The following SNTB1 variants were observed in gnomAD, a reference collection of about 807,000 sequenced individuals.
SNTB1 encodes beta-1-syntrophin.
Under a neutral mutation model 48.9 loss-of-function variants are expected in SNTB1, and 36 were observed. The observed-to-expected ratio is 0.74, with a 90% CI of 0.56 to 0.97. The LOEUF (loss-of-function observed/expected upper bound fraction) is 0.97. Ranked by LOEUF, SNTB1 falls within the 50% of genes least tolerant of loss-of-function variation. The pLI, the probability that SNTB1 is intolerant of heterozygous loss-of-function variation, is 0.00. For missense variants in SNTB1, 786 were observed against 703.4 expected (o/e 1.12, Z -1.33); for synonymous variants, 299 against 294.6 (o/e 1.01, Z -0.15).
chr8:120,680,825 C>T (rs1359281620), intron 2 of SNTB1, among the ~76,000 whole-genome samples: 2 of 152,128 alleles, frequency 1.3e-5, no homozygotes, highest in African/African-American at 4.8e-5. Context: ...TCCTTCAGCA[C>T]CCAGATGGTC....
Position 120,787,697 on chromosome 8 carries a change from G to A in SNTB1, c.571+23576C>T, listed in dbSNP as rs543121479. ...GACAAAAATTACAAAAAAATTAAAA[G>A]AAATGAATAAAGTCTCTAAGAAATA... On this transcript the variant is annotated intron_variant, in intron 1 of 6. Transcript: ENST00000517992. Among the ~76,000 whole-genome samples the A allele has an allele frequency of 1.5e-3, 230 of 152,128 alleles. 1 individual carries two copies. The Middle Eastern group carries it at 0.017, about 11-fold the overall frequency.
chr8:120,706,218 T>G (rs1818373937), intron 1 of SNTB1, among the ~76,000 whole-genome samples: 1 of 152,208 alleles, frequency 6.6e-6, no homozygotes, highest in Non-Finnish European at 1.5e-5. Context: ...CTTTTCGGAC[T>G]CTCAGAACTG....
intron 4 of SNTB1, among the ~76,000 whole-genome samples, chr8:120,565,328 G>A (rs181138509): frequency 1.3e-5 from 2 of 152,258 alleles, no homozygotes; most frequent in African/African-American, 2.4e-5. Context: ...ATGATCTAGT[G>A]TAATCCTTAT....
intron 1 of SNTB1, among the ~76,000 whole-genome samples, chr8:120,739,077 C>T (rs544019164): frequency 6.6e-5 from 10 of 152,292 alleles, no homozygotes; most frequent in East Asian, 5.8e-4. Flanking sequence ...CCTCAGAATG[C>T]GGCAAACTCC....
chr8:120,601,502 C>T (rs963367580), intron 3 of SNTB1, among the ~76,000 whole-genome samples: 21 of 152,114 alleles, frequency 1.4e-4, no homozygotes, highest in South Asian at 2.1e-4. Flanking sequence ...CCATATCCTT[C>T]GTGCTAAAAA....
At chr8:120,546,146 AC>A (rs1815376923) in intron 5 of SNTB1, among the ~76,000 whole-genome samples, 1 of 152,246 alleles carries the variant, frequency 6.6e-6, no homozygotes, top group African/African-American at 2.4e-5. Context: ...GAAAACAGCA[AC>A]TATTATATGA....
In SNTB1 at chr8:120,632,502, C is replaced by T; in HGVS notation, c.938G>A (p.Gly313Glu). The change falls in exon 3 of 7, where the codon GGG (glycine) becomes GAG (glutamate). Residue 313 changes from glycine to glutamate, a missense_variant. Coordinates refer to ENST00000517992, the MANE Select transcript of SNTB1 (RefSeq NM_021021.4). ...TCGGCTCCCAGCAATGCCTGTTTTC[C>T]CCAGCTGCTCTCTGACCTCAGCAAT... ...RVIAEVREQL[G>E]KTGIAGSREI... 6.2e-7 allele frequency: 1 copy of T among 1,614,112 alleles called. No homozygotes were observed. Among genetic ancestry groups the T allele is most frequent in the Non-Finnish European group, 8.5e-7 (1 of 1,180,022 alleles).
At chr8:120,617,410 A>G (rs1816732021) in intron 3 of SNTB1, among the ~76,000 whole-genome samples, 1 of 152,242 alleles carries the variant, frequency 6.6e-6, no homozygotes, top group South Asian at 2.1e-4. Context: ...TCATACATAA[A>G]GCTCTAGGCT....
At chr8:120,764,954 A>G (rs7459773) in intron 1 of SNTB1, among the ~76,000 whole-genome samples, 18,505 of 152,118 alleles carry the variant, frequency 0.12, 3,729 homozygotes, top group African/African-American at 0.42. Context: ...AGCTGGGGGC[A>G]GTGGCTCATG....
rs187509979 is a variant in SNTB1, at chr8:120,720,340, T to A, written c.572-26432A>T. ...GTGGGCCAGAAAGGATAGATTTACG[T>A]GCCTTCAGCACAATGCATGGCCAGT... On this transcript the variant is annotated intron_variant, in intron 1 of 6. Coordinates refer to ENST00000517992, the MANE Select transcript of SNTB1 (RefSeq NM_021021.4). Among the ~76,000 whole-genome samples the A allele has an allele frequency of 1.2e-4, 18 of 152,354 alleles. No homozygotes were observed. The East Asian group carries it at 3.5e-3, about 29-fold the overall frequency.
chr8:120,607,406 C>CT (rs1047266560), intron 3 of SNTB1, among the ~76,000 whole-genome samples: 1 of 148,834 alleles, frequency 6.7e-6, no homozygotes, highest in African/African-American at 2.5e-5. Context: ...TTGTGTCTGG[C>CT]TTTTTTTAAA....
chr8:120,786,867 C>T (rs1262989208), intron 1 of SNTB1, among the ~76,000 whole-genome samples: 1 of 152,154 alleles, frequency 6.6e-6, no homozygotes, highest in Non-Finnish European at 1.5e-5. Context: ...CCGCTTTAGC[C>T]ACTGCCAGAT....
At chr8:120,800,517 G>C (rs765426137) in intron 1 of SNTB1, among the ~76,000 whole-genome samples, 2 of 151,962 alleles carry the variant, frequency 1.3e-5, no homozygotes, top group Non-Finnish European at 2.9e-5. Flanking sequence ...ATGGATCCAG[G>C]AAAACAGACC....
intron 4 of SNTB1, among the ~76,000 whole-genome samples, chr8:120,557,285 C>T (rs1815580250): frequency 6.6e-6 from 1 of 152,140 alleles, no homozygotes; most frequent in Non-Finnish European, 1.5e-5. Flanking sequence ...GAATATTCTC[C>T]CCTCAAAAGC....
At chr8:120,570,483 C>T (rs1374191495) in intron 4 of SNTB1, 1 of 152,166 alleles carries the variant, frequency 6.6e-6, no homozygotes, top group African/African-American at 2.4e-5. Flanking sequence ...GTGTCAACCC[C>T]CTGTGGTACC....
intron 6 of SNTB1, 51 bp from the exon 7 acceptor site, chr8:120,539,020 G>A (rs1815243835): frequency 7.2e-7 from 1 of 1,395,336 alleles, no homozygotes; most frequent in Non-Finnish European, 9.9e-7. Context: ...AATGCTTGAT[G>A]TAGATGGGTG....
intron 3 of SNTB1, among the ~76,000 whole-genome samples, chr8:120,624,439 T>C (rs1587041279): frequency 1.3e-5 from 2 of 152,204 alleles, no homozygotes; most frequent in South Asian, 2.1e-4. Context: ...AGTTCTGCAA[T>C]AGCTAACTCA....
At chr8:120,772,622 T>G (rs1448482968) in intron 1 of SNTB1, among the ~76,000 whole-genome samples, 1 of 152,148 alleles carries the variant, frequency 6.6e-6, no homozygotes, top group Non-Finnish European at 1.5e-5. Context: ...GGATAAATGT[T>G]TCCTGGCATC....
intron 3 of SNTB1, among the ~76,000 whole-genome samples, chr8:120,619,159 A>T (rs1352258144): frequency 6.6e-6 from 1 of 152,152 alleles, no homozygotes; most frequent in Non-Finnish European, 1.5e-5. Flanking sequence ...TTATTGAAAG[A>T]TCATTTTTAT....
Sources: gnomAD v4.1 joint callset for allele counts (sites outside exome capture counted in the v4.1 genomes callset) on GRCh38, gnomAD v4.1.1 for gene constraint, MANE v1.5 for transcripts, NCBI Gene and HGNC (gene_info 2026-07-23, HGNC 2026-07-21) for gene names.